The following STX2 variants were observed in gnomAD, a reference collection of about 807,000 sequenced individuals.
The protein encoded by STX2 is syntaxin 2.
A neutral mutation model predicts 40.6 loss-of-function variants in STX2; 27 were observed. The observed-to-expected ratio is 0.66, with a 90% CI of 0.49 to 0.92. The LOEUF (loss-of-function observed/expected upper bound fraction) is 0.92, where lower values mean the gene tolerates loss of function less well. STX2 is among the 40% of genes least tolerant of loss of function. STX2 has a pLI of 0.00. For missense variants in STX2, 328 were observed against 366.1 expected, an observed-to-expected ratio of 0.90 and a Z score of 0.85; for synonymous variants, 123 against 119.1, an observed-to-expected ratio of 1.03 and a Z score of -0.22.
chr12:130,830,386 T>C lies in STX2; in HGVS notation c.31-3119A>G, dbSNP rs1304162464. Among the ~76,000 whole-genome samples, 8 of 152,102 alleles carry C rather than the reference T, an allele frequency of 5.3e-5. No individual in the cohort carries two copies. In the East Asian group the frequency reaches 1.4e-3, roughly 26 times the overall value. ...CCAGAGGCTCAACCCTCCTCTCCCA[T>C]GGTGACCGTCCCATGCTGCGCGATG... is the stretch of plus-strand genomic sequence containing the variant. On this transcript the variant is annotated intron_variant, in intron 1 of 10. Transcript: ENST00000392373.
At chr12:130,801,951 G>A (rs1951244832) in intron 6 of STX2, among the ~76,000 whole-genome samples, 1 of 152,136 alleles carries the variant, frequency 6.6e-6, no homozygotes, top group South Asian at 2.1e-4. Context: ...TGACTTCGAA[G>A]AAACATGTAC....
At chr12:130,838,484 A>G (rs7969598) in intron 1 of STX2, among the ~76,000 whole-genome samples, 149,827 of 152,304 alleles carry the variant, frequency 0.98, 73,727 homozygotes, top group South Asian at 1. Context: ...GATCAGACAC[A>G]AGCTGCTGTT....
intron 2 of STX2, among the ~76,000 whole-genome samples, chr12:130,824,066 C>A (rs1952211299): frequency 6.6e-6 from 1 of 152,170 alleles, no homozygotes; most frequent in African/African-American, 2.4e-5. Context: ...AACCCAAGCC[C>A]CGGACCAGAT....
intron 3 of STX2, among the ~76,000 whole-genome samples, chr12:130,816,537 G>T (rs111806067): frequency 6.6e-6 from 1 of 152,166 alleles, no homozygotes; most frequent in African/African-American, 2.4e-5. Context: ...GAGACCAGAC[G>T]GGGATCAGGA....
chr12:130,814,245 G>A (rs1951770207), intron 3 of STX2, among the ~76,000 whole-genome samples: 1 of 152,082 alleles, frequency 6.6e-6, no homozygotes, highest in South Asian at 2.1e-4. Flanking sequence ...AGACCGCCAG[G>A]GACCTAACAA....
intron 6 of STX2, among the ~76,000 whole-genome samples, chr12:130,806,242 T>C (rs1208356636): frequency 6.6e-6 from 1 of 152,248 alleles, no homozygotes; most frequent in Non-Finnish European, 1.5e-5. Flanking sequence ...AGGCTTCATC[T>C]GACCTGCGAG....
intron 2 of STX2, among the ~76,000 whole-genome samples, chr12:130,826,396 A>G (rs998157735): frequency 1.3e-5 from 2 of 152,276 alleles, no homozygotes; most frequent in African/African-American, 4.8e-5. Flanking sequence ...GACCTCCAAA[A>G]GGCAGCCTGC....
chr12:130,832,255 A>G (rs1952593080), intron 1 of STX2, among the ~76,000 whole-genome samples: 1 of 152,034 alleles, frequency 6.6e-6, no homozygotes, highest in Non-Finnish European at 1.5e-5. Flanking sequence ...ATATGGTTCA[A>G]CCTCATACAT....
At chr12:130,807,351 G>T (rs1390490882) in intron 5 of STX2, among the ~76,000 whole-genome samples, 2 of 152,232 alleles carry the variant, frequency 1.3e-5, no homozygotes, top group African/African-American at 2.4e-5. Flanking sequence ...TTAGCCCAAG[G>T]TCACAGGCTT....
chr12:130,816,906 C>T (rs1033286558), intron 3 of STX2, among the ~76,000 whole-genome samples: 6 of 152,120 alleles, frequency 3.9e-5, no homozygotes, highest in African/African-American at 1.4e-4. Context: ...GGAAGCTGGC[C>T]CTCGCAGGGG....
At chr12:130,802,796 C>A (rs1314370364) in intron 6 of STX2, among the ~76,000 whole-genome samples, 2 of 152,186 alleles carry the variant, frequency 1.3e-5, no homozygotes, top group Non-Finnish European at 2.9e-5. Context: ...AGCCACCACA[C>A]CCTGCCCACC....
At chr12:130,807,121 T>G (rs1951466332) in intron 5 of STX2, 31 bp from the exon 6 acceptor site, 1 of 1,599,526 alleles carries the variant, frequency 6.3e-7, no homozygotes, top group South Asian at 1.1e-5. Flanking sequence ...CATTCGTATC[T>G]GAGGGCCATG....
At chr12:130,810,290 A>T (rs1160268858) in intron 4 of STX2, among the ~76,000 whole-genome samples, 1 of 152,196 alleles carries the variant, frequency 6.6e-6, no homozygotes, top group Admixed American at 6.5e-5. Context: ...AAATCCTTTC[A>T]AAAAAATTTT....
chr12:130,839,131 C>A lies in STX2; in HGVS notation c.-32G>T. 1.7e-6 allele frequency: 2 copies of A among 1,209,030 alleles called. No individual in the cohort carries two copies. Among genetic ancestry groups the A allele is most frequent in the South Asian group, 3.3e-5 (1 of 30,128 alleles). The allele number at this position is 1,209,030 out of a possible 1,614,324, so 74.9% of individuals were successfully genotyped here. On this transcript the variant is annotated 5_prime_UTR_variant, in exon 1 of 11. Transcript: ENST00000392373. The stretch of plus-strand genomic sequence containing the variant: ...CGGCCGGGCAGCGCGCCCCGCCGCT[C>A]AAGCCTGTCCCGAGCTGCCTCCGGC...
chr12:130,817,619 G>A (rs79038509), intron 3 of STX2, among the ~76,000 whole-genome samples: 1 of 151,760 alleles, frequency 6.6e-6, no homozygotes, highest in Non-Finnish European at 1.5e-5. Context: ...TATAAGAAGA[G>A]GGAAAAAGAA....
At chr12:130,836,707 C>G (rs1952765880) in intron 1 of STX2, among the ~76,000 whole-genome samples, 1 of 152,224 alleles carries the variant, frequency 6.6e-6, no homozygotes. Flanking sequence ...TGCTTCATAA[C>G]TCCCTCTATG....
intron 1 of STX2, among the ~76,000 whole-genome samples, chr12:130,828,482 C>T (rs925879077): frequency 4.7e-5 from 7 of 149,312 alleles, no homozygotes; most frequent in East Asian, 2.0e-4. Flanking sequence ...TCATGCAATC[C>T]GCCCGCCTCA....
rs1207245410 is a variant in STX2, at chr12:130,791,220, G to A, written c.*803C>T. 1 of 152,164 alleles carries A rather than the reference G, an allele frequency of 6.6e-6. No individual in the cohort carries two copies. The highest frequency in any genetic ancestry group is 2.4e-5 in the African/African-American group (1 of 41,430). 9.4% of individuals were successfully genotyped at this position (152,164 alleles called of 1,614,324 possible). On this transcript the variant is annotated 3_prime_UTR_variant, in exon 11 of 11. Transcript: ENST00000392373. Reference sequence around the variant, plus strand: ...GGGAGGGAAAGGAAGCCTTAGACCTGAGATCTAAAAGCTTCAGAACAGCCT... The same window carrying A: ...GGGAGGGAAAGGAAGCCTTAGACCTAAGATCTAAAAGCTTCAGAACAGCCT...
intron 2 of STX2, among the ~76,000 whole-genome samples, chr12:130,825,379 G>A (rs2136330838): frequency 6.6e-6 from 1 of 152,276 alleles, no homozygotes; most frequent in African/African-American, 2.4e-5. Context: ...CTTAATGGCA[G>A]GAGATTCTTT....
Sources: allele counts gnomAD v4.1 joint callset (sites outside exome capture counted in the v4.1 genomes callset), GRCh38; gene constraint gnomAD v4.1.1; transcripts MANE v1.5; gene names NCBI Gene and HGNC (gene_info 2026-07-23, HGNC 2026-07-21).